Variants in TARS3 observed in about 807,000 individuals in gnomAD.
TARS3 encodes threonine--tRNA ligase 2, cytoplasmic.
TARS3 carries 94 observed loss-of-function variants against 103.5 expected under a neutral mutation model. The observed-to-expected ratio is 0.91, with a 90% CI of 0.77 to 1.08. TARS3 has a LOEUF of 1.08. Ranked by LOEUF, TARS3 falls within the 50% of genes least tolerant of loss-of-function variation. The pLI, the probability that TARS3 is intolerant of heterozygous loss-of-function variation, is 0.00. For synonymous variants in TARS3, 416 were observed against 355.4 expected (o/e 1.17, Z -1.92); for missense variants, 952 against 995.2 (o/e 0.96, Z 0.58).
At position 101,708,874 on chromosome 15, in the gene TARS3, A is replaced by T. The variant is rs1401206811; in HGVS notation, c.849T>A (p.Asn283Lys). Residue 283 changes from asparagine (N) to lysine (K), a missense_variant, in exon 6 of 19, where the codon AAT becomes AAA. Asn to Lys is a moderately conservative substitution (Grantham distance 94, BLOSUM62 0). Transcript: ENST00000335968. ...VSSTELSALENICKAIIKEKQ... is the reference protein window; with the variant it reads ...VSSTELSALEKICKAIIKEKQ... The stretch of plus-strand genomic sequence containing the variant: ...TTTCTTTTATGATGGCTTTACATAT[A>T]TTCTCCAGGGCTGACAATTCTGTGC... 6.2e-7 allele frequency: 1 copy of T among 1,611,882 alleles called. No homozygotes were observed. Among genetic ancestry groups the T allele is most frequent in the Non-Finnish European group, 8.5e-7 (1 of 1,179,262 alleles).
chr15:101,659,396 G>A (rs1283455795), intron 16 of TARS3, among the ~76,000 whole-genome samples: 1 of 152,042 alleles, frequency 6.6e-6, no homozygotes, highest in African/African-American at 2.4e-5. Context: ...ATTTCCTTTT[G>A]AGCTCTGTCC....
At chr15:101,683,992 G>A in intron 12 of TARS3, 83 bp downstream of exon 12, 1 of 1,376,272 alleles carries the variant, frequency 7.3e-7, no homozygotes, top group Non-Finnish European at 9.7e-7. Context: ...CTATGTTTCA[G>A]TAACTCTGAA....
intron 10 of TARS3, among the ~76,000 whole-genome samples, chr15:101,691,281 T>C (rs1052169827): frequency 5.1e-5 from 7 of 135,976 alleles, no homozygotes; most frequent in African/African-American, 1.5e-4. Context: ...TATTTATATA[T>C]ATATATATAT....
intron 10 of TARS3, among the ~76,000 whole-genome samples, chr15:101,697,843 T>C (rs901757632): frequency 2.0e-5 from 3 of 152,196 alleles, no homozygotes; most frequent in African/African-American, 7.2e-5. Context: ...TGTCTCACAG[T>C]AGCCTCCCAG....
chr15:101,724,039 G>A, intron 1 of TARS3, 52 bp downstream of exon 1: 4 of 1,325,950 alleles, frequency 3.0e-6, no homozygotes, highest in Middle Eastern at 5.6e-4. Context: ...GGTGCGCACC[G>A]TCTCGGCCCG....
intron 15 of TARS3, among the ~76,000 whole-genome samples, chr15:101,662,070 AC>A (rs992568690): frequency 2.0e-5 from 3 of 152,086 alleles, no homozygotes; most frequent in African/African-American, 7.2e-5. Flanking sequence ...ACTTCCACAT[AC>A]CCTCTCTCAG....
At chr15:101,682,328 G>C (rs1567334679) in intron 12 of TARS3, among the ~76,000 whole-genome samples, 1 of 152,154 alleles carries the variant, frequency 6.6e-6, no homozygotes, top group Non-Finnish European at 1.5e-5. Flanking sequence ...GAGTTTTTAT[G>C]AGATATGGAT....
chr15:101,716,105 CT>C (rs1900145758), intron 3 of TARS3, among the ~76,000 whole-genome samples: 1 of 151,878 alleles, frequency 6.6e-6, no homozygotes, highest in South Asian at 2.1e-4. Flanking sequence ...CAACCCCTGC[CT>C]TCTGGGTTCA....
chr15:101,691,719 CT>C (rs1371158182), intron 10 of TARS3, among the ~76,000 whole-genome samples: 2 of 152,136 alleles, frequency 1.3e-5, no homozygotes, highest in Non-Finnish European at 2.9e-5. Context: ...ACAAAACTCC[CT>C]GATAAATATA....
chr15:101,684,141 G>C lies in TARS3; in HGVS notation c.1584C>G (p.Leu528=), dbSNP rs770564048. The C allele has an allele frequency of 1.9e-6, 3 of 1,614,020 alleles. No homozygotes were observed. The highest frequency in any genetic ancestry group is 2.5e-6 in the Non-Finnish European group (3 of 1,179,968). ...AGCGCCTCACTCTGGTCAAGCCGCT[G>C]AGAGTCCCCGACAGTTCATTTCTAT... is the stretch of plus-strand genomic sequence containing the variant. ...VLHRNELSGT[L]SGLTRVRRFQ... Residue 528 remains leucine (L), a synonymous_variant, in exon 12 of 19, where the codon CTC becomes CTG. Coordinates refer to ENST00000335968, the MANE Select transcript of TARS3 (RefSeq NM_152334.3).
rs1170494451 is a variant in TARS3, at chr15:101,654,635, T to C, written c.2356A>G (p.Lys786Glu). 3 of 1,614,092 alleles carry C rather than the reference T, an allele frequency of 1.9e-6. No individual in the cohort carries two copies. The highest frequency in any genetic ancestry group is 2.7e-5 in the African/African-American group (2 of 74,942). Residue 786 changes from lysine to glutamate, a missense_variant, in exon 19 of 19, where the codon AAA becomes GAA. Lys to Glu is a moderately conservative substitution (Grantham distance 56). This residue lies in a region of TARS3 where 540 missense variants were observed against 631.0 expected (regional missense o/e 0.86). Coordinates refer to ENST00000335968, the MANE Select transcript of TARS3 (RefSeq NM_152334.3). ...GEILVTSAID[K>E]LKNLRKTRTL... is the part of the protein sequence containing the mutation. ...CGTGTCTTCCTGAGATTCTTCAGTT[T>C]ATCAATGGCAGAAGTTACTAAAATC...
chr15:101,720,108 A>C (rs1021041347), intron 3 of TARS3, among the ~76,000 whole-genome samples: 5 of 152,372 alleles, frequency 3.3e-5, no homozygotes, highest in Admixed American at 6.5e-5. Flanking sequence ...TTCCTCCTGG[A>C]AAACATGAAA....
At chr15:101,689,674 G>A (rs1254910882) in intron 10 of TARS3, among the ~76,000 whole-genome samples, 1 of 152,186 alleles carries the variant, frequency 6.6e-6, no homozygotes, top group East Asian at 1.9e-4. Context: ...CTAGGAGAAG[G>A]CAAGGAAGGA....
rs76218856 is a variant in TARS3 at position 101,711,861 on chromosome 15, C to A, written c.812+19G>T. On this transcript the variant is annotated intron_variant, in intron 5 of 18. Coordinates refer to ENST00000335968, the MANE Select transcript of TARS3 (RefSeq NM_152334.3). ...CAATTGAAACACATGCATTCACAAGCCAGTATTCAGTGTGTTACCTGTCTT... is the reference window on the plus strand; with the variant it reads ...CAATTGAAACACATGCATTCACAAGACAGTATTCAGTGTGTTACCTGTCTT... 379 of 1,611,912 alleles carry A rather than the reference C, an allele frequency of 2.4e-4. 5 individuals are homozygous for A. The East Asian group carries it at 8.3e-3, about 35-fold the overall frequency.
At chr15:101,684,857 G>T (rs969905081) in intron 11 of TARS3, among the ~76,000 whole-genome samples, 1 of 152,188 alleles carries the variant, frequency 6.6e-6, no homozygotes, top group Non-Finnish European at 1.5e-5. Context: ...ATTCTGAGGT[G>T]TAAAAAGACA....
intron 15 of TARS3, among the ~76,000 whole-genome samples, chr15:101,667,430 T>C (rs1897623440): frequency 6.6e-6 from 1 of 152,206 alleles, no homozygotes; most frequent in Non-Finnish European, 1.5e-5. Context: ...CTTCTTCTAA[T>C]AGAAGGCTGC....
chr15:101,655,983 C>T (rs572705), intron 18 of TARS3: 542,496 of 1,288,896 alleles, frequency 0.42, 119,232 homozygotes, highest in Non-Finnish European at 0.46. Context: ...CAGGAATCTA[C>T]AGCCATGCTT....
chr15:101,676,673 ATT>A (rs35108247), intron 12 of TARS3, among the ~76,000 whole-genome samples: 24 of 137,696 alleles, frequency 1.7e-4, no homozygotes, highest in Non-Finnish European at 2.9e-4. Context: ...TAATTTTTGT[ATT>A]TTTTTTTTTT....
chr15:101,691,792 T>A (rs922084867), intron 10 of TARS3, among the ~76,000 whole-genome samples: 2 of 152,212 alleles, frequency 1.3e-5, no homozygotes, highest in Non-Finnish European at 2.9e-5. Flanking sequence ...ATCCTAGATA[T>A]CTATTTTGTA....
Sources: allele counts gnomAD v4.1 joint callset (sites outside exome capture counted in the v4.1 genomes callset), GRCh38; gene constraint gnomAD v4.1.1; regional missense constraint gnomAD v4.1.1; transcripts MANE v1.5; gene names NCBI Gene and HGNC (gene_info 2026-07-23, HGNC 2026-07-21).